The following ARHGEF40 variants were observed in gnomAD, a reference collection of about 807,000 sequenced individuals.
ARHGEF40 encodes the protein Rho guanine nucleotide exchange factor 40.
A neutral mutation model predicts 165.9 loss-of-function variants in ARHGEF40; 98 were observed. The observed-to-expected ratio is 0.59, with a 90% CI of 0.50 to 0.70. The LOEUF (loss-of-function observed/expected upper bound fraction) is 0.70, where lower values mean the gene tolerates loss of function less well. Among genes scored for constraint, ARHGEF40 ranks in the 30% least tolerant of loss-of-function variants. The pLI is 0.00. For synonymous variants in ARHGEF40, 792 were observed against 814.3 expected (o/e 0.97, Z 0.47); for missense variants, 1,815 against 1,968.0 (o/e 0.92, Z 1.47).
chr14:21,065,235 T>A, the ARHGEF40 span, among the ~76,000 whole-genome samples: 2 of 150,696 alleles, frequency 1.3e-5, no homozygotes, highest in African/African-American at 2.5e-5. Flanking sequence ...CTTGCAAATA[T>A]CCTCCAACAG....
At position 21,087,689 on chromosome 14, in the gene ARHGEF40, T is replaced by C. The variant is rs1014054370; in HGVS notation, c.4387+226T>C. On this transcript the variant is annotated intron_variant, in intron 21 of 23. Coordinates refer to ENST00000298694, the MANE Select transcript of ARHGEF40 (RefSeq NM_018071.5). ...CCTCTGTACCTCTCTCTCTAGCTCT[T>C]CTTGGGTTTCTATGGAAACTGCCTC... The C allele has an allele frequency of 3.1e-5, 22 of 712,598 alleles. No individual in the cohort carries two copies. The Admixed American group carries it at 5.9e-4, about 19-fold the overall frequency. The allele number at this position is 712,598 out of a possible 1,614,324, so 44.1% of individuals were successfully genotyped here.
chr14:21,082,772 G>A, intron 15 of ARHGEF40, 59 bp from the exon 16 acceptor site: 1 of 1,532,246 alleles, frequency 6.5e-7, no homozygotes, highest in Non-Finnish European at 9.0e-7. Flanking sequence ...AGGGGGAAGA[G>A]AGAGGCTTGT....
rs749535199 is a variant in ARHGEF40, at chr14:21,074,641, G to A, written c.911G>A (p.Arg304His). The A allele has an allele frequency of 2.0e-5, 32 of 1,565,234 alleles. 1 individual carries two copies. Among genetic ancestry groups the A allele is most frequent in the African/African-American group, 1.9e-4 (14 of 74,046 alleles). The change falls in exon 3 of 24, where the codon CGC becomes CAC. Residue 304 changes from arginine (R) to histidine (H), a missense_variant. Physicochemically the swap from Arg to His is conservative, Grantham distance 29. Transcript: ENST00000298694. The surrounding 1 kb of genome is among the most constrained non-coding windows in gnomAD (Gnocchi z 4.8). ...GLGPRGQDGA[R>H]PPGEGSSTGA... ...GGGCCTCGGGGCCAGGATGGAGCACGCCCACCCGGCGAGGGGAGCAGCACC... is the reference window on the plus strand; with the variant it reads ...GGGCCTCGGGGCCAGGATGGAGCACACCCACCCGGCGAGGGGAGCAGCACC...
chr14:21,073,901 C>G lies in ARHGEF40; in HGVS notation c.202-31C>G. On this transcript the variant is annotated intron_variant, in intron 2 of 23. Coordinates refer to ENST00000298694, the MANE Select transcript of ARHGEF40 (RefSeq NM_018071.5). The surrounding 1 kb of genome is among the most constrained non-coding windows in gnomAD (Gnocchi z 4.6). ...CTCCTGCTGGTTTCTTCAGCAGAGGCCTGAGTGCAGCCTCCCACCTCTCTC... is the reference window on the plus strand; with the variant it reads ...CTCCTGCTGGTTTCTTCAGCAGAGGGCTGAGTGCAGCCTCCCACCTCTCTC... The G allele has an allele frequency of 6.4e-7, 1 of 1,568,136 alleles. No homozygotes were observed. The highest frequency in any genetic ancestry group is 8.6e-7 in the Non-Finnish European group (1 of 1,162,168).
At position 21,075,233 on chromosome 14, in the gene ARHGEF40, C is replaced by T; in HGVS notation, c.1450+53C>T. 6.3e-7 allele frequency: 1 copy of T among 1,585,452 alleles called. No homozygotes were observed. The highest frequency in any genetic ancestry group is 8.6e-7 in the Non-Finnish European group (1 of 1,166,434). ...GGGCAAGGGCCAAAGCAGGTCGGGCCTATGGGAGGGGGCAGGAGGAGGAGC... is the reference window on the plus strand; with the variant it reads ...GGGCAAGGGCCAAAGCAGGTCGGGCTTATGGGAGGGGGCAGGAGGAGGAGC... On this transcript the variant is annotated intron_variant, in intron 3 of 23. Transcript: ENST00000298694. This position sits in a 1 kb window ranked among gnomAD's most constrained non-coding sequence, Gnocchi z 4.5.
intron 19 of ARHGEF40, chr14:21,086,704 A>T: frequency 2.8e-6 from 1 of 354,362 alleles, no homozygotes; most frequent in Non-Finnish European, 5.3e-6. Context: ...TTGTGTGTGT[A>T]TGTGCTCTTA....
intron 11 of ARHGEF40, 33 bp downstream of exon 11, chr14:21,079,043 G>A: frequency 6.3e-7 from 1 of 1,593,732 alleles, no homozygotes; most frequent in Non-Finnish European, 8.6e-7. Context: ...CTCTTACTCA[G>A]CCTGGGAGTG....
the ARHGEF40 span, among the ~76,000 whole-genome samples, chr14:21,064,421 C>G: frequency 3.9e-5 from 6 of 152,072 alleles, no homozygotes; most frequent in Non-Finnish European, 2.9e-5. Flanking sequence ...CCTGTCTCAG[C>G]CTCCCAAGTA....
In ARHGEF40 at chr14:21,072,921, A is replaced by G; in HGVS notation, c.4-124A>G. On this transcript the variant is annotated intron_variant, in intron 1 of 23. Coordinates refer to ENST00000298694, the MANE Select transcript of ARHGEF40 (RefSeq NM_018071.5). The surrounding 1 kb of genome is among the most constrained non-coding windows in gnomAD (Gnocchi z 4.1). ...ATCAGCCAGCATTTCCTGAGTGCTC[A>G]CTTTTTGCCCACATTGTACAATCGG... 1 of 997,040 alleles carries G rather than the reference A, an allele frequency of 1.0e-6. No individual in the cohort carries two copies. The highest frequency in any genetic ancestry group is 1.5e-6 in the Non-Finnish European group (1 of 669,534). The allele number at this position is 997,040 out of a possible 1,614,324, so 61.8% of individuals were successfully genotyped here. A position where few individuals can be genotyped will look rare whatever the true frequency, so the allele number is the denominator to read the frequency against.
Position 21,082,396 on chromosome 14 carries a change from G to T in ARHGEF40, c.3404G>T (p.Ser1135Ile). 6.2e-7 allele frequency: 1 copy of T among 1,611,668 alleles called. No individual in the cohort carries two copies. The part of the protein sequence containing the change: ...AALSARERLR[S>I]FHRTHFLREL... ...CTGAGTGCCCGGGAAAGGCTTCGCA[G>T]CTTCCACCGGACACACTTTCTGCGG... The change falls in exon 15 of 24, where the codon AGC becomes ATC. Residue 1135 changes from serine to isoleucine, a missense_variant. Coordinates refer to ENST00000298694, the MANE Select transcript of ARHGEF40 (RefSeq NM_018071.5).
At chr14:21,061,898 A>ATAAAT in the ARHGEF40 span, among the ~76,000 whole-genome samples, 1 of 152,244 alleles carries the variant, frequency 6.6e-6, no homozygotes, top group African/African-American at 2.4e-5. Flanking sequence ...AAAGGTTTTT[A>ATAAAT]AGTATTCAGG....
At chr14:21,062,052 C>A in the ARHGEF40 span, among the ~76,000 whole-genome samples, 3 of 152,120 alleles carry the variant, frequency 2.0e-5, no homozygotes, top group Non-Finnish European at 2.9e-5. Context: ...GAATACAATT[C>A]TTTAAAGTGA....
At chr14:21,069,005 G>A (rs1886456435), upstream of ARHGEF40, among the ~76,000 whole-genome samples, 2 of 152,236 alleles carry the variant, frequency 1.3e-5, no homozygotes, top group African/African-American at 4.8e-5. Flanking sequence ...GAGGCCAGAC[G>A]TTTTCTCATC....
Position 21,072,087 on chromosome 14 carries a change from G to T in ARHGEF40, c.4-958G>T, listed in dbSNP as rs1886978616. Among the ~76,000 whole-genome samples the T allele has an allele frequency of 6.6e-6, 1 of 152,180 alleles. No homozygotes were observed. The highest frequency in any genetic ancestry group is 2.1e-4 in the South Asian group (1 of 4,824). On this transcript the variant is annotated intron_variant, in intron 1 of 23. Coordinates refer to ENST00000298694, the MANE Select transcript of ARHGEF40 (RefSeq NM_018071.5). This position sits in a 1 kb window ranked among gnomAD's most constrained non-coding sequence, Gnocchi z 4.1. ...AAAGAAAAAAAAATTCCAGTAAAAG[G>T]GACTTCAAAGACTGTCTTGAAAAAG...
In ARHGEF40 at chr14:21,073,231, C is replaced by G. The variant is rs773492365; in HGVS notation, c.190C>G (p.Gln64Glu). 2.9e-5 allele frequency: 46 copies of G among 1,609,554 alleles called. No individual in the cohort carries two copies. The East Asian group carries it at 1.0e-3, about 36-fold the overall frequency. Residue 64 changes from glutamine (Q) to glutamate (E), a missense_variant, in exon 2 of 24, where the codon CAG (glutamine) becomes GAG (glutamate). Coordinates refer to ENST00000298694, the MANE Select transcript of ARHGEF40 (RefSeq NM_018071.5). This position sits in a 1 kb window ranked among gnomAD's most constrained non-coding sequence, Gnocchi z 4.6. ...CAAGCACCTGCTTGCCAAGGTCCAG[C>G]AGGAAGCCTGTGTGAGTGGCCGTGC... ...PAKHLLAKVQQEACAQYSGFL... is the reference protein window; with the variant it reads ...PAKHLLAKVQEEACAQYSGFL...
Position 21,074,191 on chromosome 14 carries a change from A to G in ARHGEF40, c.461A>G (p.Asn154Ser). Residue 154 changes from asparagine (N) to serine (S), a missense_variant, in exon 3 of 24, where the codon AAC (asparagine) becomes AGC (serine). Asn to Ser is a conservative substitution (Grantham distance 46). Transcript: ENST00000298694. The surrounding 1 kb of genome is among the most constrained non-coding windows in gnomAD (Gnocchi z 4.8). ...ACACCTGAGTGGCTACAAGGCATCAACAAGGACCGGCCAACAGGTCGCCTC... is the reference window on the plus strand; with the variant it reads ...ACACCTGAGTGGCTACAAGGCATCAGCAAGGACCGGCCAACAGGTCGCCTC... ...LFTPEWLQGI[N>S]KDRPTGRLST... is the part of the protein sequence containing the mutation. 1.9e-6 allele frequency: 3 copies of G among 1,614,142 alleles called. No homozygotes were observed. Among genetic ancestry groups the G allele is most frequent in the South Asian group, 2.2e-5 (2 of 91,088 alleles).
the ARHGEF40 span, among the ~76,000 whole-genome samples, chr14:21,064,556 C>T: frequency 5.8e-3 from 877 of 152,332 alleles, 8 homozygotes; most frequent in Non-Finnish European, 9.2e-3. Flanking sequence ...CCCACCTCGG[C>T]CTCCCAAAGT....
In ARHGEF40 at chr14:21,076,873, T is replaced by G. The variant is rs776090799; in HGVS notation, c.2017T>G (p.Trp673Gly). ...TCACAGGGACCCCTCTCCCAGTCAC[T>G]GGGTAGAGATACACCAGGTAAGCTT... ...GGHRDPSPSH[W>G]VEIHQEVVRL... The change falls in exon 8 of 24, where the codon TGG becomes GGG. Residue 673 changes from tryptophan (W) to glycine (G), a missense_variant. Transcript: ENST00000298694. The G allele has an allele frequency of 6.2e-7, 1 of 1,613,256 alleles. No individual in the cohort carries two copies. The highest frequency in any genetic ancestry group is 1.1e-5 in the South Asian group (1 of 91,028).
chr14:21,066,735 T>G (rs1293057550), upstream of ARHGEF40, among the ~76,000 whole-genome samples: 10 of 152,232 alleles, frequency 6.6e-5, no homozygotes, highest in South Asian at 2.1e-4. Context: ...ACTAATGTGC[T>G]AGCACAGGCA....
Sources: allele counts gnomAD v4.1 joint callset (sites outside exome capture counted in the v4.1 genomes callset), GRCh38; gene constraint gnomAD v4.1.1; non-coding constraint Gnocchi (gnomAD v3.1); transcripts MANE v1.5; gene names NCBI Gene and HGNC (gene_info 2026-07-23, HGNC 2026-07-21).